Variants in HERC4 observed in about 807,000 individuals in gnomAD.
HERC4 encodes the protein HECT and RLD domain containing E3 ubiquitin protein ligase 4, also known as probable E3 ubiquitin-protein ligase HERC4.
Under a neutral mutation model 124.3 loss-of-function variants are expected in HERC4, and 28 were observed. The observed-to-expected ratio is 0.23, with a 90% CI of 0.17 to 0.31. The LOEUF is 0.31. Among genes scored for constraint, HERC4 ranks in the 10% least tolerant of loss-of-function variants. The probability of loss-of-function intolerance (pLI) is 1.00; values close to 1 mark genes in which losing one functional copy is unlikely to be tolerated. For synonymous variants in HERC4, 407 were observed against 421.5 expected (o/e 0.97, Z 0.42); for missense variants, 713 against 1,229.3 (o/e 0.58, Z 6.28).
intron 16 of HERC4, among the ~76,000 whole-genome samples, chr10:67,958,451 C>T (rs904082854): frequency 1.3e-5 from 2 of 152,154 alleles, no homozygotes; most frequent in Non-Finnish European, 2.9e-5. Flanking sequence ...AATATTAGAG[C>T]TATAATTTAA....
Position 67,992,646 on chromosome 10 carries a change from G to T in HERC4, c.1106C>A (p.Ser369Ter). 1 of 1,555,226 alleles carries T rather than the reference G, an allele frequency of 6.4e-7. No homozygotes were observed. The highest frequency in any genetic ancestry group is 8.8e-7 in the Non-Finnish European group (1 of 1,134,562). Residue 369 changes from serine (S) to a stop codon, truncating the protein, a stop_gained, in exon 10 of 25, where the codon TCA (serine) becomes TAA (stop). Transcript: ENST00000373700. LOFTEE classifies it high-confidence loss of function. ...ATGTGAAAAGCTTTGATCTCCCCCT[G>T]AGAAAATTCTTTTTACACAGAAATA... ...EEYFCVKRIF[S>*]GGDQSFSHYS...
intron 15 of HERC4, among the ~76,000 whole-genome samples, chr10:67,980,215 CA>C (rs2035846344): frequency 6.6e-6 from 1 of 152,100 alleles, no homozygotes; most frequent in Non-Finnish European, 1.5e-5. Context: ...AGATAGTCAT[CA>C]AAACAGCACG....
intron 15 of HERC4, among the ~76,000 whole-genome samples, chr10:67,983,953 A>G (rs2036101507): frequency 6.6e-6 from 1 of 152,012 alleles, no homozygotes; most frequent in Non-Finnish European, 1.5e-5. Flanking sequence ...ATAGAGCAAG[A>G]TTCCATCTCA....
intron 1 of HERC4, chr10:68,074,896 C>G (rs2041738612): frequency 6.5e-6 from 1 of 152,798 alleles, no homozygotes; most frequent in Non-Finnish European, 1.5e-5. Flanking sequence ...CCGGCCTGCC[C>G]CTCCCTAACG....
intron 15 of HERC4, among the ~76,000 whole-genome samples, chr10:67,986,708 T>C (rs554814065): frequency 6.6e-6 from 1 of 152,268 alleles, no homozygotes; most frequent in South Asian, 2.1e-4. Flanking sequence ...TCAGGGCTGG[T>C]ATTTCAATCC....
chr10:67,972,531 A>G (rs2035310183), intron 15 of HERC4, among the ~76,000 whole-genome samples: 1 of 1,786 alleles, frequency 5.6e-4, no homozygotes. Context: ...AAAAAGAGGA[A>G]AAAAAAAAAA....
At chr10:68,064,170 C>A (rs2041178404) in intron 3 of HERC4, among the ~76,000 whole-genome samples, 1 of 150,956 alleles carries the variant, frequency 6.6e-6, no homozygotes, top group African/African-American at 2.4e-5. Context: ...GCCCAGGAAG[C>A]AGAGGTTGCC....
intron 9 of HERC4, among the ~76,000 whole-genome samples, chr10:68,003,752 C>G (rs904919640): frequency 6.6e-6 from 1 of 152,106 alleles, no homozygotes; most frequent in Admixed American, 6.5e-5. Context: ...TTTCTTTATC[C>G]ATGTCTGTTG....
intron 3 of HERC4, among the ~76,000 whole-genome samples, chr10:68,066,346 C>T (rs1291222680): frequency 6.6e-6 from 1 of 152,156 alleles, no homozygotes; most frequent in African/African-American, 2.4e-5. Context: ...CTGCCATCTG[C>T]AACAAGAATC....
chr10:68,005,574 A>C (rs2037491491), intron 9 of HERC4, among the ~76,000 whole-genome samples: 2 of 151,260 alleles, frequency 1.3e-5, no homozygotes, highest in Admixed American at 6.6e-5. Context: ...GACATTTTAA[A>C]ATTTGCTTTC....
chr10:68,044,628 T>C, intron 3 of HERC4, 65 bp from the exon 4 acceptor site: 1 of 1,459,764 alleles, frequency 6.9e-7, no homozygotes, highest in African/African-American at 1.4e-5. Context: ...GATATTGCAT[T>C]CTAGTTTTGA....
intron 15 of HERC4, among the ~76,000 whole-genome samples, chr10:67,980,250 C>T (rs771300741): frequency 6.6e-6 from 1 of 152,192 alleles, no homozygotes; most frequent in Non-Finnish European, 1.5e-5. Flanking sequence ...TCTCCTGTCT[C>T]AGCCTCCCAA....
chr10:68,073,205 G>T lies in HERC4; in HGVS notation c.-78-19C>A. The stretch of plus-strand genomic sequence containing the variant: ...CCTATGTCTGAGGAAATAGAAAGAA[G>T]TTAATATGACTTCAAAGAAAAAAGG... On this transcript the variant is annotated intron_variant, in intron 2 of 24. Transcript: ENST00000373700. The T allele has an allele frequency of 1.2e-6, 1 of 862,998 alleles. No homozygotes were observed. Among genetic ancestry groups the T allele is most frequent in the Non-Finnish European group, 1.8e-6 (1 of 552,574 alleles). 53.5% of individuals were successfully genotyped at this position (862,998 alleles called of 1,614,324 possible). A position where few individuals can be genotyped will look rare whatever the true frequency, so the allele number is the denominator to read the frequency against.
chr10:67,949,913 G>C (rs1435970981), intron 19 of HERC4, among the ~76,000 whole-genome samples: 1 of 152,034 alleles, frequency 6.6e-6, no homozygotes, highest in East Asian at 1.9e-4. Context: ...CAGCTACTTG[G>C]GAGGCTGAGG....
At chr10:67,974,762 AAG>A (rs1173220206) in intron 15 of HERC4, among the ~76,000 whole-genome samples, 1 of 148,770 alleles carries the variant, frequency 6.7e-6, no homozygotes, top group African/African-American at 2.4e-5. Flanking sequence ...CTAATAGAGA[AAG>A]AGAACAAACA....
chr10:68,051,631 T>C (rs1308972324), intron 3 of HERC4, among the ~76,000 whole-genome samples: 1 of 151,724 alleles, frequency 6.6e-6, no homozygotes. Flanking sequence ...AGTGCTGGGA[T>C]TACAGGCGTG....
chr10:68,011,073 A>G (rs1187531524), intron 9 of HERC4, among the ~76,000 whole-genome samples: 1 of 152,220 alleles, frequency 6.6e-6, no homozygotes, highest in South Asian at 2.1e-4. Flanking sequence ...ACTTCCTCCC[A>G]TGAATCAAAG....
At chr10:68,043,778 T>C (rs2133491269) in intron 4 of HERC4, among the ~76,000 whole-genome samples, 1 of 152,254 alleles carries the variant, frequency 6.6e-6, no homozygotes, top group East Asian at 1.9e-4. Flanking sequence ...ATCACACCAT[T>C]GCACTCCAAC....
intron 19 of HERC4, among the ~76,000 whole-genome samples, chr10:67,951,300 GGA>G (rs756481839): frequency 1.3e-5 from 2 of 152,172 alleles, no homozygotes; most frequent in African/African-American, 4.8e-5. Context: ...GTGCCAGGAA[GGA>G]GGCTAGGATT....
Sources: allele counts gnomAD v4.1 joint callset (sites outside exome capture counted in the v4.1 genomes callset), GRCh38; gene constraint gnomAD v4.1.1; transcripts MANE v1.5; gene names NCBI Gene and HGNC (gene_info 2026-07-23, HGNC 2026-07-21).